The following ABCB1 variants were observed in gnomAD, a reference collection of about 807,000 sequenced individuals.
ABCB1 encodes the protein ATP binding cassette subfamily B member 1, also known as ATP-dependent translocase ABCB1.
A neutral mutation model predicts 142.0 loss-of-function variants in ABCB1; 69 were observed. The ratio of observed to expected loss-of-function variants is 0.49; its 90% CI spans 0.40 to 0.59. ABCB1 has a LOEUF of 0.59. ABCB1 is among the 20% of genes least tolerant of loss of function. The probability of loss-of-function intolerance (pLI) is 0.00; values close to 1 mark genes in which losing one functional copy is unlikely to be tolerated. For missense variants in ABCB1, 1,326 were observed against 1,554.7 expected (o/e 0.85, Z 2.47); for synonymous variants, 532 against 539.2 (o/e 0.99, Z 0.18).
intron 1 of ABCB1, among the ~76,000 whole-genome samples, chr7:87,620,524 G>A (rs1006061292): frequency 3.3e-5 from 5 of 152,122 alleles, no homozygotes; most frequent in Admixed American, 6.5e-5. Context: ...ATTTGAATCC[G>A]TTGCATGAGA....
At chr7:87,657,845 A>G (rs574448714) in intron 1 of ABCB1, among the ~76,000 whole-genome samples, 78 of 152,248 alleles carry the variant, frequency 5.1e-4, no homozygotes, top group African/African-American at 1.7e-3. Flanking sequence ...GTGGAAGCCA[A>G]TTGGGAAACT....
chr7:87,509,763 G>A (rs761689091), intron 25 of ABCB1, among the ~76,000 whole-genome samples: 39 of 152,148 alleles, frequency 2.6e-4, no homozygotes, highest in African/African-American at 4.6e-4. Flanking sequence ...CCTAATCCCT[G>A]GATCCTGTGA....
chr7:87,572,888 A>G (rs1278585490), intron 4 of ABCB1, among the ~76,000 whole-genome samples: 3 of 110,954 alleles, frequency 2.7e-5, no homozygotes, highest in African/African-American at 1.0e-4. Flanking sequence ...CACACTGGAG[A>G]CTTTTGGAGT....
At chr7:87,535,338 A>ATT (rs143639915) in intron 20 of ABCB1, among the ~76,000 whole-genome samples, 15,642 of 144,212 alleles carry the variant, frequency 0.11, 1,244 homozygotes, top group East Asian at 0.36. Flanking sequence ...TCTTCTTTGC[A>ATT]TTTTTTTTTT....
At chr7:87,525,689 T>C (rs1416759206) in intron 21 of ABCB1, among the ~76,000 whole-genome samples, 1 of 152,064 alleles carries the variant, frequency 6.6e-6, no homozygotes, top group African/African-American at 2.4e-5. Flanking sequence ...CATCTTTATA[T>C]TGAATAGGCT....
rs776548654 is a variant in ABCB1, at chr7:87,536,454, G to A, written c.2481+4C>T. The A allele has an allele frequency of 3.1e-6, 5 of 1,613,540 alleles. No individual in the cohort carries two copies. Among genetic ancestry groups the A allele is most frequent in the African/African-American group, 2.7e-5 (2 of 74,880 alleles). On this transcript the variant is annotated splice_donor_region_variant and intron_variant, in intron 20 of 27. Coordinates refer to ENST00000622132, the MANE Select transcript of ABCB1 (RefSeq NM_001348946.2). ...ACAAACACCAGTAGAAAGGAGGCAC[G>A]TACCCCTTTAACTTGAGCAGCATCA...
intron 20 of ABCB1, among the ~76,000 whole-genome samples, chr7:87,531,991 A>C (rs912500971): frequency 6.6e-6 from 1 of 152,180 alleles, no homozygotes; most frequent in South Asian, 2.1e-4. Flanking sequence ...TAAGATAGTA[A>C]GCGCGCATTA....
At chr7:87,622,332 G>A (rs899673675) in intron 1 of ABCB1, among the ~76,000 whole-genome samples, 2 of 152,028 alleles carry the variant, frequency 1.3e-5, no homozygotes, top group African/African-American at 4.8e-5. Context: ...CAAAATAAAT[G>A]TGCATTTTCA....
chr7:87,671,126 T>C (rs562953769), intron 1 of ABCB1, among the ~76,000 whole-genome samples: 1 of 152,312 alleles, frequency 6.6e-6, no homozygotes, highest in Admixed American at 6.5e-5. Context: ...ATGGAGGGTC[T>C]GTACTGTGGC....
At chr7:87,672,782 C>T (rs1407232431) in intron 1 of ABCB1, among the ~76,000 whole-genome samples, 1 of 152,156 alleles carries the variant, frequency 6.6e-6, no homozygotes, top group African/African-American at 2.4e-5. Context: ...CACATTGACT[C>T]ACTGCTTCCC....
chr7:87,659,424 T>C (rs1413304902), intron 1 of ABCB1, among the ~76,000 whole-genome samples: 1 of 152,194 alleles, frequency 6.6e-6, no homozygotes, highest in Non-Finnish European at 1.5e-5. Flanking sequence ...TATACCAGTC[T>C]ACTGGTATCA....
At chr7:87,570,333 G>T in intron 4 of ABCB1, 110 bp from the exon 5 acceptor site, 1 of 1,085,294 alleles carries the variant, frequency 9.2e-7, no homozygotes, top group Non-Finnish European at 1.4e-6. Flanking sequence ...CATAAAAATA[G>T]GTCGAACTGA....
intron 21 of ABCB1, among the ~76,000 whole-genome samples, chr7:87,528,267 A>C (rs2373586): frequency 0.67 from 101,402 of 152,036 alleles, 35,796 homozygotes; most frequent in African/African-American, 0.92. Flanking sequence ...GTGAATGGTG[A>C]CTTATATGGT....
chr7:87,683,663 A>G (rs1353354078), intron 1 of ABCB1, among the ~76,000 whole-genome samples: 1 of 152,238 alleles, frequency 6.6e-6, no homozygotes, highest in African/African-American at 2.4e-5. Flanking sequence ...TTATTACAAT[A>G]GTAACATCAA....
At chr7:87,630,141 AAT>A (rs1821066015) in intron 1 of ABCB1, among the ~76,000 whole-genome samples, 1 of 152,178 alleles carries the variant, frequency 6.6e-6, no homozygotes, top group East Asian at 1.9e-4. Context: ...TCCTCTTAAG[AAT>A]CAGATGATGA....
At chr7:87,590,208 T>C (rs964805708) in intron 3 of ABCB1, among the ~76,000 whole-genome samples, 1 of 152,182 alleles carries the variant, frequency 6.6e-6, no homozygotes, top group African/African-American at 2.4e-5. Context: ...AAGCTACCTA[T>C]CCTCACAAAG....
rs1480607755 is a variant in ABCB1, at chr7:87,625,993, TATATATGTATATGTAC to T, written c.-330-24931_-330-24916del. Among the ~76,000 whole-genome samples the T allele has an allele frequency of 1.0e-4, 15 of 144,492 alleles. 1 individual carries two copies. Among genetic ancestry groups the T allele is most frequent in the African/African-American group, 3.9e-4 (15 of 38,332 alleles). 94.8% of individuals were successfully genotyped at this position (144,492 alleles called of 152,430 possible). On this transcript the variant is annotated intron_variant, in intron 1 of 28. Coordinates refer to the ABCB1 transcript ENST00000265724. ...AGGAATATATATATATATATGTACA[TATATATGTATATGTAC>T]ATATATATATATATAGAGAGAGAGA...
intron 1 of ABCB1, among the ~76,000 whole-genome samples, chr7:87,608,521 T>C (rs555847551): frequency 2.6e-5 from 4 of 152,368 alleles, no homozygotes; most frequent in Admixed American, 2.6e-4. Context: ...TCCTACTATG[T>C]ACCTATTTCC....
chr7:87,691,492 G>A (rs923558855), intron 1 of ABCB1, among the ~76,000 whole-genome samples: 1 of 152,050 alleles, frequency 6.6e-6, no homozygotes, highest in East Asian at 1.9e-4. Flanking sequence ...AAGCTACATA[G>A]TGTTAAATAC....
Sources: gnomAD v4.1 joint callset for allele counts (sites outside exome capture counted in the v4.1 genomes callset) on GRCh38, gnomAD v4.1.1 for gene constraint, MANE v1.5 for transcripts, NCBI Gene and HGNC (gene_info 2026-07-23, HGNC 2026-07-21) for gene names.